Variants in RPAP3 observed in about 807,000 individuals in gnomAD.
The protein encoded by RPAP3 is RNA polymerase II-associated protein 3.
Under a neutral mutation model 88.8 loss-of-function variants are expected in RPAP3, and 58 were observed. That is an observed-to-expected ratio of 0.65 (90% CI 0.53 to 0.81). RPAP3 has a LOEUF of 0.81. Among genes scored for constraint, RPAP3 ranks in the 40% least tolerant of loss-of-function variants. The pLI is 0.00. For missense variants in RPAP3, 751 were observed against 764.3 expected, an observed-to-expected ratio of 0.98 and a Z score of 0.20; for synonymous variants, 255 against 259.9, an observed-to-expected ratio of 0.98 and a Z score of 0.18.
Position 47,679,500 on chromosome 12 carries a change from C to A in RPAP3, c.1280G>T (p.Gly427Val). The A allele has an allele frequency of 6.3e-7, 1 of 1,593,278 alleles. No homozygotes were observed. Among genetic ancestry groups the A allele is most frequent in the Non-Finnish European group, 8.6e-7 (1 of 1,166,034 alleles). ...VKPIDNPPHP[G>V]STKPLKKVII... ...TGAAAGTGCTTTACTTACAGTTGAT[C>A]CAGGATGCGGTGGATTATCAATGGG... The change falls in exon 12 of 17, where the codon GGA becomes GTA. Residue 427 changes from glycine to valine, a missense_variant. Gly to Val is a moderately radical substitution (Grantham distance 109). Coordinates refer to ENST00000005386, the MANE Select transcript of RPAP3 (RefSeq NM_024604.3).
At chr12:47,696,980 A>G (rs1939545070) in intron 4 of RPAP3, among the ~76,000 whole-genome samples, 1 of 152,242 alleles carries the variant, frequency 6.6e-6, no homozygotes, top group South Asian at 2.1e-4. Context: ...CCAAGAGCCC[A>G]GGCAGAAAAA....
intron 3 of RPAP3, among the ~76,000 whole-genome samples, chr12:47,698,949 T>C (rs1230076895): frequency 2.0e-5 from 3 of 152,218 alleles, no homozygotes; most frequent in African/African-American, 7.2e-5. Context: ...ATAGTTTCAT[T>C]AAATGAACAT....
chr12:47,670,748 C>T (rs948335404), intron 12 of RPAP3, among the ~76,000 whole-genome samples: 7 of 152,198 alleles, frequency 4.6e-5, no homozygotes, highest in African/African-American at 1.4e-4. Context: ...GGCTGGTGCA[C>T]GGCACGGCAT....
At chr12:47,685,416 T>C (rs1939303839) in intron 9 of RPAP3, among the ~76,000 whole-genome samples, 1 of 152,004 alleles carries the variant, frequency 6.6e-6, no homozygotes, top group South Asian at 2.1e-4. Context: ...CATATCACAT[T>C]ATAACGGTTA....
intron 8 of RPAP3, among the ~76,000 whole-genome samples, chr12:47,687,351 A>G (rs1939346127): frequency 6.6e-6 from 1 of 152,172 alleles, no homozygotes; most frequent in Non-Finnish European, 1.5e-5. Context: ...GCCCAAATAT[A>G]AGATAAATTC....
At chr12:47,676,725 A>T (rs1293802494) in intron 12 of RPAP3, among the ~76,000 whole-genome samples, 1 of 152,178 alleles carries the variant, frequency 6.6e-6, no homozygotes, top group Non-Finnish European at 1.5e-5. Flanking sequence ...TAGACCAATA[A>T]CAGGCTCTGA....
Position 47,670,338 on chromosome 12 carries a change from A to G in RPAP3, c.1295T>C (p.Leu432Pro). ...NPPHPGSTKP[L>P]KKVIIEETGN... ...AGTTTCTTCAATAATAACCTTCTTGAGTGGTTTCTAAAACAATTAAAATCA... is the reference window on the plus strand; with the variant it reads ...AGTTTCTTCAATAATAACCTTCTTGGGTGGTTTCTAAAACAATTAAAATCA... Residue 432 changes from leucine to proline, a missense_variant, in exon 13 of 17, where the codon CTC (leucine) becomes CCC (proline). Coordinates refer to ENST00000005386, the MANE Select transcript of RPAP3 (RefSeq NM_024604.3). 1 of 1,572,432 alleles carries G rather than the reference A, an allele frequency of 6.4e-7. No individual in the cohort carries two copies. Among genetic ancestry groups the G allele is most frequent in the South Asian group, 1.1e-5 (1 of 88,908 alleles).
At chr12:47,673,851 C>T (rs1014242782) in intron 12 of RPAP3, among the ~76,000 whole-genome samples, 3 of 151,826 alleles carry the variant, frequency 2.0e-5, no homozygotes, top group African/African-American at 7.3e-5. Flanking sequence ...TTACTTGATG[C>T]AAGGGTGTTT....
chr12:47,673,043 T>C lies in RPAP3; in HGVS notation c.1288-2698A>G, dbSNP rs1010661458. Among the ~76,000 whole-genome samples, 8 of 152,198 alleles carry C rather than the reference T, an allele frequency of 5.3e-5. 1 individual carries two copies. The highest frequency in any genetic ancestry group is 1.2e-4 in the Non-Finnish European group (8 of 68,032). ...CTACATTTAATTAAATAATCACTTT[T>C]ACTGAAAAGAACAGTAAATAAATAT... On this transcript the variant is annotated intron_variant, in intron 12 of 16. Coordinates refer to ENST00000005386, the MANE Select transcript of RPAP3 (RefSeq NM_024604.3).
At chr12:47,694,147 G>A (rs139600256) in intron 5 of RPAP3, among the ~76,000 whole-genome samples, 11 of 152,266 alleles carry the variant, frequency 7.2e-5, no homozygotes, top group Middle Eastern at 6.8e-3. Context: ...TAAAAGGTAG[G>A]AGAATATGCA....
intron 4 of RPAP3, 142 bp downstream of exon 4, chr12:47,697,455 A>G (rs1939555265): frequency 1.5e-6 from 1 of 657,444 alleles, no homozygotes; most frequent in Admixed American, 3.7e-5. Context: ...ACCATGTTAC[A>G]ATGCCTCCAG....
intron 12 of RPAP3, among the ~76,000 whole-genome samples, chr12:47,673,883 A>G (rs1939053024): frequency 6.6e-6 from 1 of 152,158 alleles, no homozygotes; most frequent in Admixed American, 6.6e-5. Flanking sequence ...AGAAAAGAAC[A>G]GTAATAAAAA....
chr12:47,701,208 T>C, intron 3 of RPAP3: 1 of 275,830 alleles, frequency 3.6e-6, no homozygotes, highest in Non-Finnish European at 6.7e-6. Context: ...TAAACAGTAA[T>C]TTTTGTAAAA....
rs370357624 is a variant in RPAP3, at chr12:47,690,584, T to C, written c.601A>G (p.Thr201Ala). 5.6e-6 allele frequency: 9 copies of C among 1,599,752 alleles called. No homozygotes were observed. Among genetic ancestry groups the C allele is most frequent in the East Asian group, 4.5e-5 (2 of 44,512 alleles). Residue 201 changes from threonine (T) to alanine (A), a missense_variant, in exon 6 of 17, where the codon ACA becomes GCA. Coordinates refer to ENST00000005386, the MANE Select transcript of RPAP3 (RefSeq NM_024604.3). ...NLAVALNRSYTKAYSRRGAAR... is the reference protein window; with the variant it reads ...NLAVALNRSYAKAYSRRGAAR... Reference sequence around the variant, plus strand: ...GCACCTCGTCTGGAATAAGCCTTTGTATAACTTCTATTCAAGGCAACTGCT... The same window carrying C: ...GCACCTCGTCTGGAATAAGCCTTTGCATAACTTCTATTCAAGGCAACTGCT...
At chr12:47,697,776 A>G in intron 3 of RPAP3, 57 bp from the exon 4 acceptor site, 1 of 1,458,010 alleles carries the variant, frequency 6.9e-7, no homozygotes, top group Non-Finnish European at 9.2e-7. Flanking sequence ...AAAAAAAAGA[A>G]AAAAAGACAT....
intron 9 of RPAP3, among the ~76,000 whole-genome samples, chr12:47,684,344 T>C (rs1308564923): frequency 6.6e-6 from 1 of 152,226 alleles, no homozygotes; most frequent in African/African-American, 2.4e-5. Context: ...CCCCGCACAC[T>C]GGTAGGTAAG....
At chr12:47,664,246 C>T (rs1322877509) in intron 16 of RPAP3, among the ~76,000 whole-genome samples, 4 of 151,956 alleles carry the variant, frequency 2.6e-5, no homozygotes, top group African/African-American at 9.7e-5. Context: ...AAAAATTAGC[C>T]GCGAGTGATG....
chr12:47,679,940 A>G (rs536581566), intron 10 of RPAP3, among the ~76,000 whole-genome samples, 166 bp from the exon 11 acceptor site: 28 of 152,308 alleles, frequency 1.8e-4, no homozygotes, highest in African/African-American at 6.5e-4. Flanking sequence ...TTTACTGAAC[A>G]CTGTTGTAGT....
chr12:47,689,331 T>A, intron 6 of RPAP3, 136 bp from the exon 7 acceptor site: 1 of 507,670 alleles, frequency 2.0e-6, no homozygotes, highest in Non-Finnish European at 3.4e-6. Flanking sequence ...AGAAATACTA[T>A]CATTAGGCCA....
Sources: gnomAD v4.1 joint callset for allele counts (sites outside exome capture counted in the v4.1 genomes callset) on GRCh38, gnomAD v4.1.1 for gene constraint, MANE v1.5 for transcripts, NCBI Gene and HGNC (gene_info 2026-07-23, HGNC 2026-07-21) for gene names.